AFAP1L2: variants seen among roughly 807,000 people sequenced by gnomAD.
AFAP1L2 encodes the protein actin filament associated protein 1 like 2.
In AFAP1L2, 46 loss-of-function variants were observed where a neutral mutation model predicts 99.3. The ratio of observed to expected loss-of-function variants is 0.46; its 90% CI spans 0.37 to 0.59. The LOEUF (loss-of-function observed/expected upper bound fraction) is 0.59, where lower values mean the gene tolerates loss of function less well. Among genes scored for constraint, AFAP1L2 ranks in the 20% least tolerant of loss-of-function variants. The pLI is 0.00. For missense variants in AFAP1L2, 959 were observed against 1,034.9 expected, an observed-to-expected ratio of 0.93 and a Z score of 1.01; for synonymous variants, 397 against 419.1, an observed-to-expected ratio of 0.95 and a Z score of 0.64.
chr10:114,305,792 A>G (rs2042211271), intron 10 of AFAP1L2, among the ~76,000 whole-genome samples: 1 of 107,908 alleles, frequency 9.3e-6, no homozygotes, highest in Non-Finnish European at 1.8e-5. Flanking sequence ...GGGGACGCAG[A>G]TGCAGGAGGC....
intron 4 of AFAP1L2, among the ~76,000 whole-genome samples, chr10:114,329,287 T>C (rs1311143172): frequency 3.9e-5 from 6 of 152,174 alleles, no homozygotes; most frequent in South Asian, 4.1e-4. Context: ...GAAGCCAGCA[T>C]TGGAATCCCA....
intron 2 of AFAP1L2, among the ~76,000 whole-genome samples, chr10:114,334,966 A>G (rs2047715746): frequency 6.6e-6 from 1 of 152,236 alleles, no homozygotes; most frequent in African/African-American, 2.4e-5. Context: ...CAAAACTCAG[A>G]TACTAGGGGG....
At chr10:114,340,933 G>C (rs1406324922) in intron 1 of AFAP1L2, 1 of 664,834 alleles carries the variant, frequency 1.5e-6, no homozygotes, top group African/African-American at 1.8e-5. Flanking sequence ...GAGAGAAACA[G>C]GCCCTTGGCT....
chr10:114,313,873 T>C lies in AFAP1L2; in HGVS notation c.790A>G (p.Arg264Gly). ...AAGTGGCTCGGTGTCGCCCTCACCC[T>C]GAGCCACTGCTCAGCCTGGTCCTTG... is the stretch of plus-strand genomic sequence containing the variant. Reference protein sequence around the residue: ...QSKDQAEQWLRVIQEVSGLPS... With the variant: ...QSKDQAEQWLGVIQEVSGLPS... Residue 264 changes from arginine (R) to glycine (G), a missense_variant and splice_region_variant, in exon 7 of 19, where the codon AGG becomes GGG. Physicochemically the swap from Arg to Gly is moderately radical, Grantham distance 125 (BLOSUM62 -2). This residue lies in a region of AFAP1L2 where 383 missense variants were observed against 472.8 expected (regional missense o/e 0.81). Transcript: ENST00000304129. 6.2e-7 allele frequency: 1 copy of C among 1,604,762 alleles called. No homozygotes were observed. Among genetic ancestry groups the C allele is most frequent in the Non-Finnish European group, 8.5e-7 (1 of 1,174,312 alleles).
intron 1 of AFAP1L2, among the ~76,000 whole-genome samples, chr10:114,398,578 T>A (rs2057947690): frequency 6.6e-6 from 1 of 152,258 alleles, no homozygotes; most frequent in Non-Finnish European, 1.5e-5. Flanking sequence ...TTCCACCAAG[T>A]GGCCTGCAAG....
At position 114,362,684 on chromosome 10, in the gene AFAP1L2, C is replaced by T. The variant is rs7921689; in HGVS notation, c.17-21953G>A. On this transcript the variant is annotated intron_variant, in intron 1 of 18. Coordinates refer to ENST00000304129, the MANE Select transcript of AFAP1L2 (RefSeq NM_001001936.3). ...TGTCGTGGTCATTTGTTATGGTAGCCCCGGAAAATTAATACACCCCCATCA... is the reference window on the plus strand; with the variant it reads ...TGTCGTGGTCATTTGTTATGGTAGCTCCGGAAAATTAATACACCCCCATCA... Among the ~76,000 whole-genome samples the T allele has an allele frequency of 6.6e-3, 1,000 of 152,134 alleles. 15 individuals are homozygous for T. Among genetic ancestry groups the T allele is most frequent in the African/African-American group, 0.023 (968 of 41,488 alleles).
Position 114,333,172 on chromosome 10 carries a change from C to G in AFAP1L2, c.220+49G>C, listed in dbSNP as rs371625818. 2.0e-6 allele frequency: 3 copies of G among 1,528,592 alleles called. No individual in the cohort carries two copies. The African/African-American group carries it at 4.1e-5, about 21-fold the overall frequency. 94.7% of individuals were successfully genotyped at this position (1,528,592 alleles called of 1,614,324 possible). ...GACAGAACCAGCTTGGACCTTCCCC[C>G]ATCCCAGGAGTGGCCATCATACCAG... On this transcript the variant is annotated intron_variant, in intron 3 of 18. Transcript: ENST00000304129.
intron 1 of AFAP1L2, among the ~76,000 whole-genome samples, chr10:114,342,595 G>A (rs1280562773): frequency 6.6e-6 from 1 of 152,210 alleles, no homozygotes; most frequent in African/African-American, 2.4e-5. Context: ...GAGGGTAAGA[G>A]TCAGGGAGAT....
chr10:114,337,589 A>G (rs2048167981), intron 2 of AFAP1L2, among the ~76,000 whole-genome samples: 2 of 152,222 alleles, frequency 1.3e-5, no homozygotes, highest in African/African-American at 4.8e-5. Context: ...TACGAGCTGC[A>G]GAGTCCACGG....
chr10:114,290,899 G>A (rs2039526978), downstream of AFAP1L2, among the ~76,000 whole-genome samples: 1 of 152,158 alleles, frequency 6.6e-6, no homozygotes, highest in Non-Finnish European at 1.5e-5. Context: ...AACAGATTAG[G>A]ACCTAGAGAG....
At chr10:114,301,522 C>T in intron 12 of AFAP1L2, 57 bp from the exon 13 acceptor site, 1 of 1,317,604 alleles carries the variant, frequency 7.6e-7, no homozygotes, top group Non-Finnish European at 1.1e-6. Context: ...GGTGAAAGCA[C>T]CAGACTCCAA....
chr10:114,316,274 G>C (rs2044126254), intron 5 of AFAP1L2, among the ~76,000 whole-genome samples: 1 of 152,248 alleles, frequency 6.6e-6, no homozygotes, highest in Non-Finnish European at 1.5e-5. Flanking sequence ...GGCCTCTGAT[G>C]GCCGCTGGCC....
intron 3 of AFAP1L2, among the ~76,000 whole-genome samples, chr10:114,332,391 C>T (rs952761421): frequency 6.6e-6 from 1 of 152,212 alleles, no homozygotes; most frequent in Non-Finnish European, 1.5e-5. Flanking sequence ...ACCCTCGGTG[C>T]ACTTGGAAGG....
intron 11 of AFAP1L2, among the ~76,000 whole-genome samples, chr10:114,303,938 C>T (rs1212281874): frequency 6.6e-6 from 1 of 152,220 alleles, no homozygotes; most frequent in Non-Finnish European, 1.5e-5. Context: ...GGGTAATTTG[C>T]TGAATAACAT....
chr10:114,301,751 C>T (rs1412854663), intron 12 of AFAP1L2: 1 of 447,050 alleles, frequency 2.2e-6, no homozygotes, highest in East Asian at 3.8e-5. Flanking sequence ...CCCATTCCTC[C>T]CTTCTAGGAT....
chr10:114,383,441 A>G (rs1246157749), intron 1 of AFAP1L2, among the ~76,000 whole-genome samples: 2 of 152,132 alleles, frequency 1.3e-5, no homozygotes, highest in African/African-American at 4.8e-5. Context: ...CAGAGAGGAG[A>G]AAAAGATCTG....
In AFAP1L2 at chr10:114,389,116, G is replaced by A. The variant is rs578104751; in HGVS notation, c.16+15324C>T. ...CCACACCCTGAGCCCACATCCAAAA[G>A]GGTTAGCTCTTCTCTTGCCCACACT... On this transcript the variant is annotated intron_variant, in intron 1 of 18. Transcript: ENST00000304129. 2.0e-5 allele frequency among the ~76,000 whole-genome samples: 3 copies of A among 152,292 alleles called. 1 individual carries two copies. Among genetic ancestry groups the A allele is most frequent in the Admixed American group, 2.0e-4 (3 of 15,298 alleles).
chr10:114,304,937 G>A lies in AFAP1L2; in HGVS notation c.1073-7C>T. The A allele has an allele frequency of 1.2e-6, 2 of 1,604,156 alleles. No individual in the cohort carries two copies. Among genetic ancestry groups the A allele is most frequent in the Non-Finnish European group, 1.7e-6 (2 of 1,174,440 alleles). ...ACCAGCACGTTCAGGTAACCTGCAG[G>A]AGGAAGTGCAGATGCAGGAGGGGAC... On this transcript the variant is annotated splice_region_variant and splice_polypyrimidine_tract_variant and intron_variant, in intron 10 of 18. Transcript: ENST00000304129.
chr10:114,328,796 C>T (rs2046814640), intron 4 of AFAP1L2, among the ~76,000 whole-genome samples: 1 of 152,116 alleles, frequency 6.6e-6, no homozygotes, highest in Non-Finnish European at 1.5e-5. Flanking sequence ...GAGAGGAGGC[C>T]TGAGGGAGTG....
Sources: allele counts gnomAD v4.1 joint callset (sites outside exome capture counted in the v4.1 genomes callset), GRCh38; gene constraint gnomAD v4.1.1; regional missense constraint gnomAD v4.1.1; transcripts MANE v1.5; gene names NCBI Gene and HGNC (gene_info 2026-07-23, HGNC 2026-07-21).